UTRN: variants seen among roughly 807,000 people sequenced by gnomAD.
The protein encoded by UTRN is utrophin.
UTRN carries 283 observed loss-of-function variants against 463.9 expected under a neutral mutation model. The ratio of observed to expected loss-of-function variants is 0.61; its 90% CI spans 0.55 to 0.67. UTRN has a LOEUF of 0.67. Ranked by LOEUF, UTRN falls within the 30% of genes least tolerant of loss-of-function variation. The pLI is 0.00. For synonymous variants in UTRN, 1,442 were observed against 1,431.5 expected, an observed-to-expected ratio of 1.01 and a Z score of -0.17; for missense variants, 3,922 against 4,084.3, an observed-to-expected ratio of 0.96 and a Z score of 1.08.
At chr6:144,385,889 A>G (rs1781374333) in intron 2 of UTRN, among the ~76,000 whole-genome samples, 1 of 151,972 alleles carries the variant, frequency 6.6e-6, no homozygotes, top group Admixed American at 6.6e-5. Flanking sequence ...TTGTATTTTT[A>G]GTAGAGACAA....
At chr6:144,442,908 A>C (rs1412219883) in intron 13 of UTRN, among the ~76,000 whole-genome samples, 1 of 152,218 alleles carries the variant, frequency 6.6e-6, no homozygotes, top group Non-Finnish European at 1.5e-5. Flanking sequence ...GGCTCTACCC[A>C]CTACCTAAAT....
At chr6:144,738,408 G>T (rs1789678127) in intron 54 of UTRN, among the ~76,000 whole-genome samples, 1 of 152,134 alleles carries the variant, frequency 6.6e-6, no homozygotes, top group Non-Finnish European at 1.5e-5. Flanking sequence ...GGGAATATTT[G>T]TGCCTTCTCT....
At chr6:144,731,126 T>C (rs897707591) in intron 54 of UTRN, among the ~76,000 whole-genome samples, 5 of 151,322 alleles carry the variant, frequency 3.3e-5, no homozygotes, top group African/African-American at 9.7e-5. Context: ...TATTTAAATA[T>C]CTATATGTAA....
chr6:144,754,295 T>C (rs565988536), intron 56 of UTRN, among the ~76,000 whole-genome samples: 8 of 152,306 alleles, frequency 5.3e-5, no homozygotes, highest in African/African-American at 1.4e-4. Flanking sequence ...TTAGAGGCAA[T>C]GCAGAGTAAC....
At chr6:144,585,767 A>T (rs1028656150) in intron 51 of UTRN, among the ~76,000 whole-genome samples, 1 of 152,112 alleles carries the variant, frequency 6.6e-6, no homozygotes, top group Non-Finnish European at 1.5e-5. Context: ...TTCCCTTCCC[A>T]TTAAATTGTA....
intron 51 of UTRN, among the ~76,000 whole-genome samples, chr6:144,637,653 AAG>A (rs1491072837): frequency 1.3e-5 from 2 of 151,990 alleles, no homozygotes; most frequent in African/African-American, 4.8e-5. Context: ...AAAAAAAAAA[AAG>A]AAATGGTGTT....
Position 144,521,955 on chromosome 6 carries a change from ATTTTT to A in UTRN, c.5542-18_5542-14del. ...TTAAGAGATATATATATATATATAT[ATTTTT>A]TTTTTTGCTGTTTTTGTAGGCAATC... On this transcript the variant is annotated intron_variant, in intron 39 of 74. Coordinates refer to ENST00000367545, the MANE Select transcript of UTRN (RefSeq NM_007124.3). 2 of 942,218 alleles carry A rather than the reference ATTTTT, an allele frequency of 2.1e-6. No individual in the cohort carries two copies. Among genetic ancestry groups the A allele is most frequent in the Non-Finnish European group, 2.8e-6 (2 of 716,724 alleles). 58.4% of individuals were successfully genotyped at this position (942,218 alleles called of 1,614,324 possible). A position where few individuals can be genotyped will look rare whatever the true frequency, so the allele number is the denominator to read the frequency against.
At chr6:144,335,261 G>C (rs563770692) in intron 2 of UTRN, among the ~76,000 whole-genome samples, 1 of 152,336 alleles carries the variant, frequency 6.6e-6, no homozygotes, top group South Asian at 2.1e-4. Context: ...GTTGACCACT[G>C]TCCTGGAATA....
At chr6:144,774,412 T>TA (rs750938097) in intron 60 of UTRN, 48 bp downstream of exon 60, 2 of 1,523,534 alleles carry the variant, frequency 1.3e-6, no homozygotes, top group Non-Finnish European at 1.8e-6. Flanking sequence ...GAATTGCGTT[T>TA]TTTTTTTTTC....
intron 51 of UTRN, among the ~76,000 whole-genome samples, chr6:144,578,921 T>A (rs1426671497): frequency 1.3e-5 from 2 of 152,222 alleles, no homozygotes; most frequent in Admixed American, 1.3e-4. Flanking sequence ...AGTCTTTCTT[T>A]GAACTACTCT....
chr6:144,648,184 G>A (rs982937540), intron 51 of UTRN, among the ~76,000 whole-genome samples: 4 of 152,150 alleles, frequency 2.6e-5, no homozygotes, highest in Non-Finnish European at 5.9e-5. Context: ...GCTGGCTCTT[G>A]TTCCCTTTAT....
intron 35 of UTRN, among the ~76,000 whole-genome samples, chr6:144,512,272 A>G (rs924838360): frequency 6.6e-6 from 1 of 152,030 alleles, no homozygotes; most frequent in Non-Finnish European, 1.5e-5. Flanking sequence ...TACTAGCTTT[A>G]TTTCACATTC....
chr6:144,702,803 A>C (rs575727028), intron 53 of UTRN, among the ~76,000 whole-genome samples: 1 of 152,236 alleles, frequency 6.6e-6, no homozygotes, highest in South Asian at 2.1e-4. Flanking sequence ...TGGGAGACCA[A>C]TATGTTTGAA....
At chr6:144,789,457 G>A (rs566007290) in intron 62 of UTRN, among the ~76,000 whole-genome samples, 178 bp downstream of exon 62, 1 of 152,316 alleles carries the variant, frequency 6.6e-6, no homozygotes, top group South Asian at 2.1e-4. Context: ...TTGGGGCTTT[G>A]TGTGAAATGG....
rs765540538 is a variant in UTRN, at chr6:144,839,236, A to C, written c.10129A>C (p.Ser3377Arg). Residue 3377 changes from serine to arginine, a missense_variant, in exon 72 of 75, where the codon AGC becomes CGC. Ser to Arg is a moderately radical substitution (Grantham distance 110, BLOSUM62 -1). Transcript: ENST00000367545. ...GGCTTCTCCTCAGCATTCTGCACTG[A>C]GCTACTCGCTTGATCCAGATGCCTC... ...PWASPQHSAL[S>R]YSLDPDASGP... is the part of the protein sequence containing the mutation. The C allele has an allele frequency of 6.2e-6, 10 of 1,613,914 alleles. No homozygotes were observed. The East Asian group carries it at 2.2e-4, about 36-fold the overall frequency.
intron 59 of UTRN, 68 bp from the exon 60 acceptor site, chr6:144,774,222 A>G (rs752865700): frequency 2.8e-6 from 4 of 1,405,868 alleles, no homozygotes; most frequent in Non-Finnish European, 3.9e-6. Flanking sequence ...GTAACCAAAT[A>G]CATTCTGGGC....
intron 51 of UTRN, among the ~76,000 whole-genome samples, chr6:144,639,185 C>G (rs1777514321): frequency 6.6e-6 from 1 of 152,182 alleles, no homozygotes; most frequent in African/African-American, 2.4e-5. Flanking sequence ...TTACCTCTCC[C>G]CAGATTTTAC....
intron 73 of UTRN, among the ~76,000 whole-genome samples, chr6:144,843,048 C>T (rs981959559): frequency 3.9e-5 from 6 of 152,072 alleles, no homozygotes; most frequent in Non-Finnish European, 8.8e-5. Flanking sequence ...TGTTATGTTA[C>T]TTAGTGAGTA....
At chr6:144,323,669 CTCTT>C (rs1401969888) in intron 2 of UTRN, among the ~76,000 whole-genome samples, 21 of 152,172 alleles carry the variant, frequency 1.4e-4, no homozygotes, top group African/African-American at 4.3e-4. Context: ...TCCTTGTTCT[CTCTT>C]TCTCTTGCTT....
Sources: gnomAD v4.1 joint callset for allele counts (sites outside exome capture counted in the v4.1 genomes callset) on GRCh38, gnomAD v4.1.1 for gene constraint, MANE v1.5 for transcripts, NCBI Gene and HGNC (gene_info 2026-07-23, HGNC 2026-07-21) for gene names.